PCDHA8: variants seen among roughly 807,000 people sequenced by gnomAD.
PCDHA8 encodes the protein protocadherin alpha-8.
Under a neutral mutation model 61.8 loss-of-function variants are expected in PCDHA8, and 53 were observed. The observed-to-expected ratio is 0.86, with a 90% CI of 0.69 to 1.08. PCDHA8 has a LOEUF of 1.08. PCDHA8 is among the 50% of genes least tolerant of loss of function. PCDHA8 has a pLI of 0.00. For missense variants in PCDHA8, 1,293 were observed against 1,245.0 expected (o/e 1.04, Z -0.58); for synonymous variants, 618 against 556.6 (o/e 1.11, Z -1.55).
chr5:140,957,104 C>T (rs2095333785), intron 1 of PCDHA8, among the ~76,000 whole-genome samples: 1 of 152,104 alleles, frequency 6.6e-6, no homozygotes, highest in Non-Finnish European at 1.5e-5. Context: ...TTGCTATGGA[C>T]ATGATTCTGT....
chr5:140,906,720 G>A (rs2072884338), intron 1 of PCDHA8, among the ~76,000 whole-genome samples: 1 of 152,182 alleles, frequency 6.6e-6, no homozygotes, highest in African/African-American at 2.4e-5. Context: ...CCTGGATTGT[G>A]CTGTTGTAGT....
chr5:140,871,436 G>A, intron 1 of PCDHA8: 1 of 1,612,324 alleles, frequency 6.2e-7, no homozygotes, highest in East Asian at 2.2e-5. Context: ...CTTCCTCTAG[G>A]TCTGAATAAA....
chr5:140,916,469 T>C (rs1051023499), intron 1 of PCDHA8, among the ~76,000 whole-genome samples: 2 of 152,194 alleles, frequency 1.3e-5, no homozygotes, highest in African/African-American at 4.8e-5. Flanking sequence ...TGCTGGTTAT[T>C]TGGTGCCCAA....
At chr5:140,961,248 G>A (rs144956279) in intron 1 of PCDHA8, among the ~76,000 whole-genome samples, 129 of 152,276 alleles carry the variant, frequency 8.5e-4, no homozygotes, top group African/African-American at 1.8e-3. Flanking sequence ...GAATTTATCC[G>A]AAGCTCCAGG....
chr5:140,869,059 C>T (rs782790799), intron 1 of PCDHA8: 1 of 1,555,654 alleles, frequency 6.4e-7, no homozygotes, highest in East Asian at 2.2e-5. Context: ...GAATCTGGTA[C>T]TGTAAGTGTA....
rs527638271 is a variant in PCDHA8, at chr5:140,882,967, G to A, written c.2394+39252G>A. 3.1e-4 allele frequency: 497 copies of A among 1,614,172 alleles called. 6 individuals are homozygous for A. In the South Asian group the frequency reaches 5.0e-3, roughly 16 times the overall value. On this transcript the variant is annotated intron_variant, in intron 1 of 3. Transcript: ENST00000531613. Reference sequence around the variant, plus strand: ...CAGTTCAGCTGCTCATCACGATTCTGGACGTGAATGACAACGCCCCGGAAT... The same window carrying A: ...CAGTTCAGCTGCTCATCACGATTCTAGACGTGAATGACAACGCCCCGGAAT...
chr5:140,893,249 T>A (rs1317089236), intron 1 of PCDHA8, among the ~76,000 whole-genome samples: 2 of 152,220 alleles, frequency 1.3e-5, no homozygotes, highest in African/African-American at 4.8e-5. Context: ...TTTCCTTTTC[T>A]TTGGATAAAT....
At chr5:140,947,655 A>G (rs942849633) in intron 1 of PCDHA8, among the ~76,000 whole-genome samples, 3 of 151,542 alleles carry the variant, frequency 2.0e-5, no homozygotes, top group Non-Finnish European at 4.4e-5. Context: ...ATATACCTCC[A>G]TTTACTTGGG....
intron 3 of PCDHA8, among the ~76,000 whole-genome samples, chr5:141,007,707 C>T (rs1027610738): frequency 6.6e-6 from 1 of 152,172 alleles, no homozygotes; most frequent in Non-Finnish European, 1.5e-5. Context: ...CCTCTGCCTC[C>T]CACCACCAGG....
chr5:140,857,694 C>A (rs1554150531), intron 1 of PCDHA8: 1 of 1,597,142 alleles, frequency 6.3e-7, no homozygotes. Flanking sequence ...AGCAACTTGA[C>A]GCTGCAGGTG....
At chr5:140,982,795 AT>A (rs2097005249) in intron 3 of PCDHA8, among the ~76,000 whole-genome samples, 1 of 151,516 alleles carries the variant, frequency 6.6e-6, no homozygotes, top group African/African-American at 2.4e-5. Flanking sequence ...GCATGTGTGC[AT>A]GTGTGTGTGT....
chr5:141,007,755 CTT>C (rs2098344346), intron 3 of PCDHA8, among the ~76,000 whole-genome samples: 1 of 152,170 alleles, frequency 6.6e-6, no homozygotes, highest in Non-Finnish European at 1.5e-5. Context: ...ACTTTGGACT[CTT>C]ATTGGCCTGG....
Position 140,842,895 on chromosome 5 carries a change from A to C in PCDHA8, c.1574A>C (p.His525Pro). The C allele has an allele frequency of 6.3e-7, 1 of 1,594,156 alleles. No individual in the cohort carries two copies. Among genetic ancestry groups the C allele is most frequent in the East Asian group, 2.2e-5 (1 of 44,788 alleles). The change falls in exon 1 of 4, where the codon CAC becomes CCC. Residue 525 changes from histidine to proline, a missense_variant. Physicochemically the swap from His to Pro is moderately conservative, Grantham distance 77 (BLOSUM62 -2). Coordinates refer to ENST00000531613, the MANE Select transcript of PCDHA8 (RefSeq NM_018911.3). ...GKVYALQPLD[H>P]EELELLQFQV... ...GTGTACGCGCTGCAGCCGCTGGACC[A>C]CGAGGAGCTAGAGCTGCTGCAGTTC...
chr5:140,990,825 AAGCCTATTAGCAAAAATAG>A (rs2097418390), intron 3 of PCDHA8, among the ~76,000 whole-genome samples: 1 of 152,202 alleles, frequency 6.6e-6, no homozygotes, highest in Non-Finnish European at 1.5e-5. Flanking sequence ...CTCTCAGCTA[AAGCCTATTAGCAAAAATAG>A]AGCCCTGAGG....
chr5:140,861,341 A>C (rs1554154533), intron 1 of PCDHA8: 1 of 280,406 alleles, frequency 3.6e-6, no homozygotes, highest in African/African-American at 2.2e-5. Context: ...GGAAGAGGCC[A>C]AGGACGGCAC....
At chr5:140,887,906 T>C (rs2061622663) in intron 1 of PCDHA8, among the ~76,000 whole-genome samples, 1 of 152,198 alleles carries the variant, frequency 6.6e-6, no homozygotes, top group Admixed American at 6.5e-5. Context: ...TCCTAAACAG[T>C]GTATTCTTCA....
chr5:140,955,557 C>T (rs1281978824), intron 1 of PCDHA8, among the ~76,000 whole-genome samples: 1 of 152,114 alleles, frequency 6.6e-6, no homozygotes, highest in East Asian at 1.9e-4. Flanking sequence ...GCCTCCCCAG[C>T]CATACTGAAC....
chr5:140,968,488 C>A, intron 1 of PCDHA8: 1 of 1,614,148 alleles, frequency 6.2e-7, no homozygotes, highest in South Asian at 1.1e-5. Context: ...ACATGAATGA[C>A]CATGCCCCTC....
At chr5:140,967,881 G>A (rs2096193873) in intron 1 of PCDHA8, 2 of 1,614,034 alleles carry the variant, frequency 1.2e-6, no homozygotes, top group Non-Finnish European at 1.7e-6. Context: ...GACCTGTATA[G>A]CCCAGTGCCT....
Sources: allele counts gnomAD v4.1 joint callset (sites outside exome capture counted in the v4.1 genomes callset), GRCh38; gene constraint gnomAD v4.1.1; transcripts MANE v1.5; gene names NCBI Gene and HGNC (gene_info 2026-07-23, HGNC 2026-07-21).